The following NKD1 variants were observed in gnomAD, a reference collection of about 807,000 sequenced individuals.
The protein encoded by NKD1 is protein naked cuticle homolog 1.
In NKD1, 21 loss-of-function variants were observed where a neutral mutation model predicts 56.0. The observed-to-expected ratio is 0.38, with a 90% confidence interval of 0.27 to 0.54. NKD1 has a LOEUF of 0.54. Ranked by LOEUF, NKD1 falls within the 20% of genes least tolerant of loss-of-function variation. The pLI, the probability that NKD1 is intolerant of heterozygous loss-of-function variation, is 0.82. For synonymous variants in NKD1, 263 were observed against 265.7 expected (o/e 0.99, Z 0.10); for missense variants, 578 against 642.7 (o/e 0.90, Z 1.09).
intron 3 of NKD1, among the ~76,000 whole-genome samples, chr16:50,554,921 TG>T (rs1960470244): frequency 6.6e-6 from 1 of 152,196 alleles, no homozygotes; most frequent in Non-Finnish European, 1.5e-5. Flanking sequence ...CACTTGGCCT[TG>T]TTATTAATTA....
At chr16:50,570,056 A>G (rs1960848678) in intron 3 of NKD1, among the ~76,000 whole-genome samples, 2 of 152,208 alleles carry the variant, frequency 1.3e-5, no homozygotes, top group African/African-American at 2.4e-5. Flanking sequence ...TTAACGTAGA[A>G]AAGGAAAAGT....
rs375889973 is a variant in NKD1, at chr16:50,549,454, C to T, written c.91C>T (p.Arg31Trp). ...CTTCGCCGTGAGCGCTGCCTGGGCT[C>T]GGAAGGGCATCGAGGAGTGGATCGG... ...DSFAVSAAWA[R>W]KGIEEWIGRQ... Residue 31 changes from arginine to tryptophan, a missense_variant, in exon 3 of 10, where the codon CGG becomes TGG. Physicochemically the swap from Arg to Trp is moderately radical, Grantham distance 101 (BLOSUM62 -3). Coordinates refer to ENST00000268459, the MANE Select transcript of NKD1 (RefSeq NM_033119.5). The T allele has an allele frequency of 3.1e-6, 5 of 1,611,160 alleles. No individual in the cohort carries two copies. The highest frequency in any genetic ancestry group is 4.2e-6 in the Non-Finnish European group (5 of 1,178,912).
intron 4 of NKD1, among the ~76,000 whole-genome samples, chr16:50,618,739 G>A (rs1378663016): frequency 1.3e-5 from 2 of 152,192 alleles, no homozygotes; most frequent in Non-Finnish European, 2.9e-5. Flanking sequence ...GGCCCCTGGC[G>A]GGTTCACTGA....
intron 3 of NKD1, among the ~76,000 whole-genome samples, chr16:50,567,122 C>A (rs147448018): frequency 6.6e-6 from 1 of 151,722 alleles, no homozygotes; most frequent in African/African-American, 2.4e-5. Context: ...TGGGTTTATA[C>A]TGAACCGTGT....
At chr16:50,574,675 C>T in intron 3 of NKD1, 1 of 985,424 alleles carries the variant, frequency 1.0e-6, no homozygotes, top group Non-Finnish European at 1.2e-6. Context: ...TCCCCACCTC[C>T]TTGCCTCGTT....
Position 50,640,182 on chromosome 16 carries a change from G to A in NKD1, c.*6401G>A, listed in dbSNP as rs909292228. 5.9e-5 allele frequency: 9 copies of A among 152,256 alleles called. No homozygotes were observed. Among genetic ancestry groups the A allele is most frequent in the African/African-American group, 1.4e-4 (6 of 41,438 alleles). The allele number at this position is 152,256 out of a possible 1,614,324, so 9.4% of individuals were successfully genotyped here. A position where few individuals can be genotyped will look rare whatever the true frequency, so the allele number is the denominator to read the frequency against. On this transcript the variant is annotated 3_prime_UTR_variant, in exon 10 of 10. Transcript: ENST00000268459. Reference sequence around the variant, plus strand: ...ACAACAGCCTTGGAGGAACTGCCAGGAACTAAGGGCGAGCACTGGAGAAGG... The same window carrying A: ...ACAACAGCCTTGGAGGAACTGCCAGAAACTAAGGGCGAGCACTGGAGAAGG...
intron 4 of NKD1, among the ~76,000 whole-genome samples, chr16:50,618,095 C>T (rs1039820001): frequency 1.1e-4 from 16 of 152,140 alleles, no homozygotes; most frequent in African/African-American, 3.9e-4. Flanking sequence ...TTTGCCACCT[C>T]CTGCTCTAAG....
Position 50,621,633 on chromosome 16 carries a change from G to A in NKD1, c.291G>A (p.Leu97=). The A allele has an allele frequency of 1.2e-6, 2 of 1,613,956 alleles. No homozygotes were observed. Among genetic ancestry groups the A allele is most frequent in the South Asian group, 1.1e-5 (1 of 91,022 alleles). Residue 97 remains leucine (L), a synonymous_variant, in exon 5 of 10, where the codon CTG becomes CTA. Transcript: ENST00000268459. ...VALPPEKTDG[L]GSGDEKKMER... ...TGCCTCCTGAGAAGACTGACGGGCT[G>A]GGCAGCGGAGATGAGAAGAAGATGG...
At chr16:50,609,667 G>A (rs1415461843) in intron 4 of NKD1, among the ~76,000 whole-genome samples, 2 of 152,192 alleles carry the variant, frequency 1.3e-5, no homozygotes, top group East Asian at 3.9e-4. Context: ...AATCCGATCT[G>A]CATTTTAACA....
In NKD1 at chr16:50,550,399, C is replaced by T. The variant is rs368577146; in HGVS notation, c.192+844C>T. Among the ~76,000 whole-genome samples the T allele has an allele frequency of 2.0e-5, 3 of 150,532 alleles. No individual in the cohort carries two copies. In the East Asian group the frequency reaches 5.9e-4, roughly 29 times the overall value. ...CTTAGAGGGGGAATAGACTGAGTCT[C>T]AGGTCTGGTTAGTTCTTTGGTCTTA... On this transcript the variant is annotated intron_variant, in intron 3 of 9. Transcript: ENST00000268459.
chr16:50,608,276 T>C lies in NKD1; in HGVS notation c.193-18T>C, dbSNP rs746822293. On this transcript the variant is annotated intron_variant, in intron 3 of 9. Coordinates refer to ENST00000268459, the MANE Select transcript of NKD1 (RefSeq NM_033119.5). ...TCCCCCAACCCCTGCTCAATGCCTC[T>C]GCTCTGTCTTCTTGTAGGAGCTCGT... The C allele has an allele frequency of 1.3e-6, 2 of 1,599,864 alleles. No homozygotes were observed. The highest frequency in any genetic ancestry group is 1.7e-6 in the Non-Finnish European group (2 of 1,167,520).
rs1299120108 is a variant in NKD1 at position 50,632,804 on chromosome 16, A to G, written c.824-388A>G. 6.6e-6 allele frequency among the ~76,000 whole-genome samples: 1 copy of G among 151,870 alleles called. No homozygotes were observed. Among genetic ancestry groups the G allele is most frequent in the Non-Finnish European group, 1.5e-5 (1 of 67,972 alleles). On this transcript the variant is annotated intron_variant, in intron 9 of 9. Transcript: ENST00000268459. The surrounding 1 kb of genome is among the most constrained non-coding windows in gnomAD (Gnocchi z 4.1). ...TTGACATATGTTGACCTCTTGCTCAATTTCACTCCCACAACTCCCTTCTCC... is the reference window on the plus strand; with the variant it reads ...TTGACATATGTTGACCTCTTGCTCAGTTTCACTCCCACAACTCCCTTCTCC...
chr16:50,549,528 G>T lies in NKD1; in HGVS notation c.165G>T (p.Leu55Phe). ...GGVSGPRQLR[L>F]AGTIGRSTRE... The stretch of plus-strand genomic sequence containing the variant: ...TCTCGGGACCCCGACAGCTGCGGTT[G>T]GCGGGCACCATAGGCCGAAGCACCC... Residue 55 changes from leucine (L) to phenylalanine (F), a missense_variant, in exon 3 of 10, where the codon TTG (leucine) becomes TTT (phenylalanine). Physicochemically the swap from Leu to Phe is conservative, Grantham distance 22 (BLOSUM62 0). Transcript: ENST00000268459. 1.9e-6 allele frequency: 3 copies of T among 1,606,572 alleles called. No individual in the cohort carries two copies. The highest frequency in any genetic ancestry group is 1.7e-6 in the Non-Finnish European group (2 of 1,176,334).
At chr16:50,594,694 G>T (rs1961437117) in intron 3 of NKD1, among the ~76,000 whole-genome samples, 1 of 152,200 alleles carries the variant, frequency 6.6e-6, no homozygotes, top group African/African-American at 2.4e-5. Context: ...AGGGCCACCT[G>T]GGGTGGGGAC....
At chr16:50,606,744 G>T (rs1226902623) in intron 3 of NKD1, 6 of 452,094 alleles carry the variant, frequency 1.3e-5, no homozygotes, top group Non-Finnish European at 2.7e-5. Flanking sequence ...GCCCCGCTCT[G>T]CAGAAGACCT....
intron 4 of NKD1, among the ~76,000 whole-genome samples, chr16:50,613,959 C>T (rs1403050201): frequency 6.6e-6 from 1 of 152,208 alleles, no homozygotes; most frequent in Non-Finnish European, 1.5e-5. Context: ...AGGATTTCCT[C>T]CCCTACCCGC....
chr16:50,629,033 A>G (rs1653402653), intron 6 of NKD1, among the ~76,000 whole-genome samples: 1 of 150,578 alleles, frequency 6.6e-6, no homozygotes, highest in African/African-American at 2.4e-5. Flanking sequence ...TGGTGTGCTC[A>G]CGGCTCACTG....
intron 3 of NKD1, among the ~76,000 whole-genome samples, chr16:50,604,155 G>T (rs1180146136): frequency 1.3e-5 from 2 of 152,254 alleles, no homozygotes; most frequent in Non-Finnish European, 2.9e-5. Context: ...AGCCCCACAT[G>T]TGGGTTTCCC....
At chr16:50,610,761 C>T (rs1195823801) in intron 4 of NKD1, among the ~76,000 whole-genome samples, 2 of 152,222 alleles carry the variant, frequency 1.3e-5, no homozygotes, top group Admixed American at 1.3e-4. Context: ...GGCCCTAATC[C>T]AGCATCTTAA....
Sources: allele counts gnomAD v4.1 joint callset (sites outside exome capture counted in the v4.1 genomes callset), GRCh38; gene constraint gnomAD v4.1.1; non-coding constraint Gnocchi (gnomAD v3.1); transcripts MANE v1.5; gene names NCBI Gene and HGNC (gene_info 2026-07-23, HGNC 2026-07-21).